The following MEI1 variants were observed in gnomAD, a reference collection of about 807,000 sequenced individuals.
MEI1 encodes the protein meiotic double-stranded break formation protein 1, also known as meiosis inhibitor protein 1.
MEI1 carries 103 observed loss-of-function variants against 146.2 expected under a neutral mutation model. The observed-to-expected ratio is 0.70, with a 90% confidence interval of 0.60 to 0.83. MEI1 has a LOEUF of 0.83. Ranked by LOEUF, MEI1 falls within the 40% of genes least tolerant of loss-of-function variation. The pLI is 0.00. For missense variants in MEI1, 1,529 were observed against 1,533.0 expected (o/e 1.00, Z 0.04); for synonymous variants, 652 against 628.2 (o/e 1.04, Z -0.57).
intron 11 of MEI1, among the ~76,000 whole-genome samples, chr22:41,741,742 G>A (rs12168974): frequency 1.2e-3 from 177 of 152,308 alleles, no homozygotes; most frequent in African/African-American, 4.1e-3. Flanking sequence ...TTGAGAGGCT[G>A]AGGCGGCAGA....
At chr22:41,767,991 G>C (rs2074960130) in intron 19 of MEI1, among the ~76,000 whole-genome samples, 1 of 152,188 alleles carries the variant, frequency 6.6e-6, no homozygotes, top group Non-Finnish European at 1.5e-5. Context: ...TCCATTCAAG[G>C]AAGGAAGCCT....
In MEI1 at chr22:41,742,852, C is replaced by T. The variant is rs372231080; in HGVS notation, c.1332-228C>T. Among the ~76,000 whole-genome samples the T allele has an allele frequency of 8.3e-4, 127 of 152,274 alleles. 5 individuals carry two copies. In the South Asian group the frequency reaches 0.026, roughly 31 times the overall value. On this transcript the variant is annotated intron_variant, in intron 11 of 30. Transcript: ENST00000401548. Reference sequence around the variant, plus strand: ...GGAGACTGGGTTTCACCATGTTGCCCAGGCTGGTCTCCATCTCCTGGACTC... The same window carrying T: ...GGAGACTGGGTTTCACCATGTTGCCTAGGCTGGTCTCCATCTCCTGGACTC...
chr22:41,785,898 T>TC (rs2075958859), intron 26 of MEI1, among the ~76,000 whole-genome samples: 1 of 139,206 alleles, frequency 7.2e-6, no homozygotes, highest in African/African-American at 2.5e-5. Flanking sequence ...TTTTTTTATT[T>TC]TTTTATTTTT....
At chr22:41,718,389 A>T (rs1282949618) in intron 6 of MEI1, 115 bp downstream of exon 6, 2 of 922,740 alleles carry the variant, frequency 2.2e-6, no homozygotes, top group African/African-American at 3.3e-5. Flanking sequence ...AAAAGGTAGA[A>T]GCCACAAGGC....
In MEI1 at chr22:41,784,413, A is replaced by G. The variant is rs1397462414; in HGVS notation, c.3162A>G (p.Leu1054=). 6.2e-7 allele frequency: 1 copy of G among 1,613,432 alleles called. No homozygotes were observed. The highest frequency in any genetic ancestry group is 1.1e-5 in the South Asian group (1 of 91,052). ...GCTTTCCAAAGAAAAAGGCTGCACT[A>G]CTCTCAGGTATGGGTCCACAAGTCT... is the stretch of plus-strand genomic sequence containing the variant. ...ALSFPKKKAA[L]LSAAILCFLR... The change falls in exon 25 of 31, where the codon CTA becomes CTG. Residue 1054 remains leucine, a synonymous_variant. Coordinates refer to ENST00000401548, the MANE Select transcript of MEI1 (RefSeq NM_152513.4).
chr22:41,724,066 T>C lies in MEI1; in HGVS notation c.857T>C (p.Leu286Pro). Residue 286 changes from leucine (L) to proline (P), a missense_variant, in exon 7 of 31, where the codon CTC becomes CCC. Transcript: ENST00000401548. Reference sequence around the variant, plus strand: ...GGAAATACCTCACTGCCTTTGGTGCTCAAAAAGGTAGTTGTCTTGTGATTC... The same window carrying C: ...GGAAATACCTCACTGCCTTTGGTGCCCAAAAAGGTAGTTGTCTTGTGATTC... The part of the protein sequence containing the change: ...SSGNTSLPLV[L>P]KKLLLSRDET... 6.2e-7 allele frequency: 1 copy of C among 1,613,828 alleles called. No individual in the cohort carries two copies. Among genetic ancestry groups the C allele is most frequent in the Non-Finnish European group, 8.5e-7 (1 of 1,179,818 alleles).
At position 41,781,687 on chromosome 22, in the gene MEI1, G is replaced by A; in HGVS notation, c.2929G>A (p.Ala977Thr). 1 of 1,613,048 alleles carries A rather than the reference G, an allele frequency of 6.2e-7. No homozygotes were observed. Among genetic ancestry groups the A allele is most frequent in the East Asian group, 2.2e-5 (1 of 44,882 alleles). ...QTTPSSQKRA[A>T]AVLLSSTGLM... ...CCTGCCTTGCCCACCCCCGACAGCT[G>A]CTGCAGTGCTCCTGAGCAGCACAGG... The change falls in exon 24 of 31, where the codon GCT (alanine) becomes ACT (threonine). Residue 977 changes from alanine to threonine, a missense_variant and splice_region_variant. Physicochemically the swap from Ala to Thr is moderately conservative, Grantham distance 58. Coordinates refer to ENST00000401548, the MANE Select transcript of MEI1 (RefSeq NM_152513.4).
chr22:41,794,607 C>A, intron 28 of MEI1, 130 bp downstream of exon 28: 1 of 713,352 alleles, frequency 1.4e-6, no homozygotes, highest in South Asian at 1.7e-5. Context: ...CAGGCCTTCA[C>A]CCTACAAGAG....
chr22:41,708,804 A>G (rs1340922409), intron 3 of MEI1, among the ~76,000 whole-genome samples: 2 of 152,220 alleles, frequency 1.3e-5, no homozygotes, highest in Non-Finnish European at 2.9e-5. Flanking sequence ...TGCCTGACAC[A>G]CTGGTAACCA....
intron 22 of MEI1, among the ~76,000 whole-genome samples, chr22:41,780,576 C>CTTTTT (rs150215660): frequency 3.3e-5 from 4 of 121,536 alleles, no homozygotes; most frequent in Admixed American, 1.1e-4. Context: ...GAATTTTTTT[C>CTTTTT]TTTTCTTTTT....
At chr22:41,752,047 C>T (rs886264331) in intron 15 of MEI1, among the ~76,000 whole-genome samples, 8 of 149,842 alleles carry the variant, frequency 5.3e-5, no homozygotes, top group African/African-American at 9.9e-5. Context: ...TCCAGCCTGG[C>T]GACAGAGTGA....
At chr22:41,769,756 G>A (rs2075065124) in intron 19 of MEI1, among the ~76,000 whole-genome samples, 1 of 151,824 alleles carries the variant, frequency 6.6e-6, no homozygotes, top group South Asian at 2.1e-4. Flanking sequence ...ACAGGCATGA[G>A]CCCCCACGCC....
In MEI1 at chr22:41,744,959, C is replaced by G. The variant is rs1230288730; in HGVS notation, c.1447-14C>G. The G allele has an allele frequency of 1.3e-6, 2 of 1,515,954 alleles. No individual in the cohort carries two copies. The highest frequency in any genetic ancestry group is 2.6e-5 in the South Asian group (2 of 78,384). The allele number at this position is 1,515,954 out of a possible 1,614,324, so 93.9% of individuals were successfully genotyped here. The stretch of plus-strand genomic sequence containing the variant: ...ACTTGATCACTAGGTTCCTGTCTCT[C>G]CTTCCCACCTCAGGGCCATGCCTCC... On this transcript the variant is annotated splice_polypyrimidine_tract_variant and intron_variant, in intron 12 of 30. Coordinates refer to ENST00000401548, the MANE Select transcript of MEI1 (RefSeq NM_152513.4).
chr22:41,712,703 G>GTGT (rs766760114), intron 3 of MEI1, among the ~76,000 whole-genome samples: 5,746 of 91,418 alleles, frequency 0.063, 379 homozygotes, highest in African/African-American at 0.22. Context: ...TGTGTGTGTG[G>GTGT]AGCAATATAT....
intron 24 of MEI1, among the ~76,000 whole-genome samples, chr22:41,783,397 A>AT (rs2075835985): frequency 6.6e-6 from 1 of 151,766 alleles, no homozygotes; most frequent in East Asian, 2.0e-4. Context: ...GGTTCAAGCG[A>AT]TTCTCTTGCC....
Position 41,737,870 on chromosome 22 carries a change from C to T in MEI1, c.1332-5210C>T, listed in dbSNP as rs187596696. 1.6e-3 allele frequency among the ~76,000 whole-genome samples: 236 copies of T among 152,006 alleles called. 1 individual carries two copies. Among genetic ancestry groups the T allele is most frequent in the Non-Finnish European group, 2.8e-3 (192 of 67,990 alleles). ...CAGTGAGACTAAGGGATCCTAGCACCACAATGGGAAATTATTCCTTAGCAA... is the reference window on the plus strand; with the variant it reads ...CAGTGAGACTAAGGGATCCTAGCACTACAATGGGAAATTATTCCTTAGCAA... On this transcript the variant is annotated intron_variant, in intron 11 of 30. Coordinates refer to ENST00000401548, the MANE Select transcript of MEI1 (RefSeq NM_152513.4).
intron 20 of MEI1, among the ~76,000 whole-genome samples, chr22:41,775,279 T>C (rs1354615498): frequency 6.6e-6 from 1 of 152,206 alleles, no homozygotes; most frequent in Non-Finnish European, 1.5e-5. Flanking sequence ...GGGCCTGACC[T>C]GGTCCTCACT....
intron 11 of MEI1, among the ~76,000 whole-genome samples, chr22:41,734,139 T>TAAAAG (rs747996369): frequency 2.0e-5 from 3 of 150,820 alleles, no homozygotes; most frequent in African/African-American, 7.3e-5. Flanking sequence ...AAAAATAAAA[T>TAAAAG]AAAATAAAAT....
At chr22:41,704,992 G>A (rs1391021086) in intron 2 of MEI1, among the ~76,000 whole-genome samples, 1 of 152,130 alleles carries the variant, frequency 6.6e-6, no homozygotes, top group East Asian at 1.9e-4. Flanking sequence ...GGAATTACAG[G>A]CGTGAGCCAC....
Sources: allele counts gnomAD v4.1 joint callset (sites outside exome capture counted in the v4.1 genomes callset), GRCh38; gene constraint gnomAD v4.1.1; transcripts MANE v1.5; gene names NCBI Gene and HGNC (gene_info 2026-07-23, HGNC 2026-07-21).